Variants in ABAT observed in about 807,000 individuals in gnomAD.
ABAT encodes 4-aminobutyrate aminotransferase, mitochondrial.
ABAT carries 45 observed loss-of-function variants against 64.6 expected under a neutral mutation model. The ratio of observed to expected loss-of-function variants is 0.70; its 90% confidence interval spans 0.55 to 0.89. The LOEUF (loss-of-function observed/expected upper bound fraction) is 0.89. ABAT is among the 40% of genes least tolerant of loss of function. The pLI is 0.00. For synonymous variants in ABAT, 297 were observed against 250.5 expected (o/e 1.19, Z -1.75); for missense variants, 633 against 658.4 (o/e 0.96, Z 0.42).
At chr16:8,696,314 C>T (rs746207266) in intron 1 of ABAT, among the ~76,000 whole-genome samples, 4 of 152,110 alleles carry the variant, frequency 2.6e-5, no homozygotes, top group African/African-American at 4.8e-5. Flanking sequence ...GACCTCTGGT[C>T]GGGAACTCTC....
chr16:8,716,449 G>A (rs917209738), intron 1 of ABAT, among the ~76,000 whole-genome samples: 13 of 152,148 alleles, frequency 8.5e-5, no homozygotes, highest in Admixed American at 1.3e-4. Flanking sequence ...TGCTGCAGTC[G>A]TGATCCCAGC....
chr16:8,679,027 G>A (rs779052044), intron 1 of ABAT, among the ~76,000 whole-genome samples: 7 of 152,086 alleles, frequency 4.6e-5, no homozygotes, highest in Non-Finnish European at 8.8e-5. Flanking sequence ...CATTAAAAAT[G>A]AGCAAAGTGG....
At chr16:8,775,204 T>A in intron 13 of ABAT, 147 bp downstream of exon 13, 1 of 1,037,594 alleles carries the variant, frequency 9.6e-7, no homozygotes, top group Non-Finnish European at 1.4e-6. Flanking sequence ...TCAATGCAAT[T>A]AGCAGTGGTG....
At chr16:8,779,707 T>C in intron 15 of ABAT, 117 bp downstream of exon 15, 1 of 788,108 alleles carries the variant, frequency 1.3e-6, no homozygotes, top group Non-Finnish European at 2.2e-6. Context: ...GGTACACAGG[T>C]CTGAAAAGAG....
chr16:8,766,227 G>A lies in ABAT; in HGVS notation c.560G>A (p.Arg187Lys). Reference protein sequence around the residue: ...MWYRSKERGQRGFSQEELETC... With the variant: ...MWYRSKERGQKGFSQEELETC... ...TTTCAGAGCAAGGAAAGAGGGCAGA[G>A]GGGCTTCTCCCAGGAGGAGCTGGAG... Residue 187 changes from arginine to lysine, a missense_variant, in exon 9 of 16, where the codon AGG (arginine) becomes AAG (lysine). Physicochemically the swap from Arg to Lys is conservative, Grantham distance 26. Coordinates refer to ENST00000268251, the MANE Select transcript of ABAT (RefSeq NM_020686.6). 1 of 1,614,140 alleles carries A rather than the reference G, an allele frequency of 6.2e-7. No homozygotes were observed. Among genetic ancestry groups the A allele is most frequent in the Non-Finnish European group, 8.5e-7 (1 of 1,179,978 alleles).
At position 8,722,156 on chromosome 16, in the gene ABAT, G is replaced by C. The variant is rs117973086; in HGVS notation, c.-41-13543G>C. 3.1e-3 allele frequency among the ~76,000 whole-genome samples: 471 copies of C among 152,348 alleles called. 3 individuals are homozygous for C. In the Middle Eastern group the frequency reaches 0.041, roughly 13 times the overall value. ...GCTCTCTGCCAGTCTCTAGGGAAAGGAGGGGGCCAGGCCTGGGGCTATAGC... is the reference window on the plus strand; with the variant it reads ...GCTCTCTGCCAGTCTCTAGGGAAAGCAGGGGGCCAGGCCTGGGGCTATAGC... On this transcript the variant is annotated intron_variant, in intron 1 of 15. Coordinates refer to ENST00000268251, the MANE Select transcript of ABAT (RefSeq NM_020686.6).
At chr16:8,706,449 C>G (rs889952715) in intron 1 of ABAT, among the ~76,000 whole-genome samples, 2 of 147,998 alleles carry the variant, frequency 1.4e-5, no homozygotes, top group East Asian at 2.0e-4. Context: ...GATGGCTCAT[C>G]ATGCCTGTAA....
At chr16:8,741,745 C>A (rs913726579) in intron 2 of ABAT, among the ~76,000 whole-genome samples, 4 of 152,070 alleles carry the variant, frequency 2.6e-5, no homozygotes, top group African/African-American at 7.2e-5. Flanking sequence ...TTTAAAAATG[C>A]CAACATTGAG....
rs1232968075 is a variant in ABAT at position 8,735,692 on chromosome 16, C to A, written c.-41-7C>A. 3.9e-6 allele frequency: 6 copies of A among 1,558,266 alleles called. No homozygotes were observed. Among genetic ancestry groups the A allele is most frequent in the South Asian group, 1.2e-5 (1 of 84,848 alleles). ...GGGCCTAAGTCTGCATTTCTGGTTT[C>A]TTTCAGGGTGGCAGCACGCAAAGGG... On this transcript the variant is annotated splice_region_variant and splice_polypyrimidine_tract_variant and intron_variant, in intron 1 of 15. Coordinates refer to ENST00000268251, the MANE Select transcript of ABAT (RefSeq NM_020686.6).
intron 1 of ABAT, among the ~76,000 whole-genome samples, chr16:8,732,513 T>C (rs920341687): frequency 6.6e-6 from 1 of 151,504 alleles, no homozygotes; most frequent in African/African-American, 2.5e-5. Flanking sequence ...ACACAGCACA[T>C]GTTTCAGAGA....
intron 2 of ABAT, among the ~76,000 whole-genome samples, chr16:8,742,519 A>G (rs1050613457): frequency 2.0e-5 from 3 of 152,140 alleles, no homozygotes; most frequent in Non-Finnish European, 4.4e-5. Context: ...GTTGGAATCA[A>G]TGCTGTCCAG....
chr16:8,730,282 C>T (rs549525476), intron 1 of ABAT, among the ~76,000 whole-genome samples: 4 of 152,106 alleles, frequency 2.6e-5, no homozygotes, highest in South Asian at 2.1e-4. Context: ...CATGAATGTT[C>T]GTAGCACAAA....
chr16:8,760,110 A>G (rs1264003512), intron 6 of ABAT: 3 of 152,134 alleles, frequency 2.0e-5, no homozygotes, highest in African/African-American at 7.2e-5. Context: ...TGCTGTACCC[A>G]TTTATGTGTT....
At chr16:8,750,191 C>T (rs2059438643) in intron 4 of ABAT, among the ~76,000 whole-genome samples, 1 of 138,370 alleles carries the variant, frequency 7.2e-6, no homozygotes, top group South Asian at 2.5e-4. Flanking sequence ...ATGTATAAAA[C>T]ACATACAGAA....
chr16:8,774,027 C>T (rs2060197288), intron 12 of ABAT, among the ~76,000 whole-genome samples: 1 of 152,174 alleles, frequency 6.6e-6, no homozygotes, highest in South Asian at 2.1e-4. Flanking sequence ...CTCCTGGGTC[C>T]AAGTGATTCT....
chr16:8,768,908 C>T lies in ABAT; in HGVS notation c.751C>T (p.Leu251=), dbSNP rs1370501944. The change falls in exon 11 of 16, where the codon CTG becomes TTG. Residue 251 remains leucine (L), a synonymous_variant. Transcript: ENST00000268251. ...CTGGCCCATCGCACCGTTCCCACGG[C>T]TGAAATACCCTCTGGAAGAGTTTGT... ...FDWPIAPFPR[L]KYPLEEFVKE... 8.1e-6 allele frequency: 13 copies of T among 1,614,072 alleles called. No homozygotes were observed. The highest frequency in any genetic ancestry group is 1.3e-5 in the African/African-American group (1 of 74,924).
chr16:8,690,353 C>T (rs534974590), intron 1 of ABAT, among the ~76,000 whole-genome samples: 8 of 152,288 alleles, frequency 5.3e-5, no homozygotes, highest in East Asian at 1.9e-4. Flanking sequence ...ACTCCTCACC[C>T]GTGGAGGCAT....
intron 1 of ABAT, among the ~76,000 whole-genome samples, chr16:8,690,180 G>A (rs1403394399): frequency 1.3e-5 from 2 of 152,184 alleles, no homozygotes; most frequent in Non-Finnish European, 2.9e-5. Context: ...GTCAGCCCAG[G>A]TTCTGGCAGC....
intron 5 of ABAT, among the ~76,000 whole-genome samples, chr16:8,757,486 T>C (rs901550913): frequency 6.6e-6 from 1 of 152,082 alleles, no homozygotes; most frequent in East Asian, 1.9e-4. Context: ...TCACCTTATG[T>C]TTATGTAGTC....
Sources: gnomAD v4.1 joint callset for allele counts (sites outside exome capture counted in the v4.1 genomes callset) on GRCh38, gnomAD v4.1.1 for gene constraint, MANE v1.5 for transcripts, NCBI Gene and HGNC (gene_info 2026-07-23, HGNC 2026-07-21) for gene names.